The following SCRIB variants were observed in gnomAD, a reference collection of about 807,000 sequenced individuals.
SCRIB encodes scribble planar cell polarity protein, also known as protein scribble homolog.
SCRIB carries 72 observed loss-of-function variants against 170.0 expected under a neutral mutation model. The ratio of observed to expected loss-of-function variants is 0.42; its 90% CI spans 0.35 to 0.52. The LOEUF is 0.52. SCRIB is among the 20% of genes least tolerant of loss of function. The pLI is 0.02. For synonymous variants in SCRIB, 1,298 were observed against 1,044.3 expected (o/e 1.24, Z -4.68); for missense variants, 2,475 against 2,338.5 (o/e 1.06, Z -1.20).
chr8:143,792,046 C>T lies in SCRIB; in HGVS notation c.4602G>A (p.Glu1534=). The T allele has an allele frequency of 6.3e-7, 1 of 1,583,326 alleles. No individual in the cohort carries two copies. The highest frequency in any genetic ancestry group is 8.6e-7 in the Non-Finnish European group (1 of 1,169,252). ...CAGGGGAAGGGGCCTCGGCCAGTCG[C>T]TCCAGGGGCCCCCGCGTGCCCCGGC... is the stretch of plus-strand genomic sequence containing the variant. ...QEGRGTRGPL[E]RLAEAPSPAP... Residue 1534 remains glutamate, a synonymous_variant, in exon 33 of 37, where the codon GAG becomes GAA. Transcript: ENST00000356994.
rs1554636081 is a variant in SCRIB, at chr8:143,804,997, G to T, written c.2688C>A (p.Arg896=). The part of the protein sequence containing the change: ...RAGDAGIFVS[R]IAEGGAAHRA... ...GGTGAGCAGCACCGCCCTCGGCAAT[G>T]CGGGAGACGAAGATGCCCTGCAGGG... Residue 896 remains arginine (R), a synonymous_variant, in exon 20 of 37, where the codon CGC becomes CGA. Coordinates refer to ENST00000356994, the MANE Select transcript of SCRIB (RefSeq NM_182706.5). 6.3e-7 allele frequency: 1 copy of T among 1,586,516 alleles called. No individual in the cohort carries two copies. The highest frequency in any genetic ancestry group is 8.5e-7 in the Non-Finnish European group (1 of 1,170,010).
chr8:143,807,417 A>G, intron 16 of SCRIB, 135 bp downstream of exon 16: 2 of 796,712 alleles, frequency 2.5e-6, no homozygotes, highest in Non-Finnish European at 4.4e-6. Context: ...CTGATCCTGG[A>G]GCCCAGCTGG....
chr8:143,791,827 A>C (rs6982642), intron 34 of SCRIB, 49 bp downstream of exon 34: 1,116,363 of 1,332,248 alleles, frequency 0.84, 450,276 homozygotes, highest in East Asian at 0.87. Flanking sequence ...GCCAGACCCC[A>C]CCCCCATGCC....
chr8:143,812,986 C>T (rs950101456), intron 7 of SCRIB, 25 bp from the exon 8 acceptor site: 25 of 1,611,702 alleles, frequency 1.6e-5, no homozygotes, highest in Non-Finnish European at 2.0e-5. Context: ...AGAGTCAGAG[C>T]GCGGATGGGC....
Position 143,807,596 on chromosome 8 carries a change from C to T in SCRIB, c.2134G>A (p.Ala712Thr). Residue 712 changes from alanine (A) to threonine (T), a missense_variant, in exon 16 of 37, where the codon GCC becomes ACC. Around this residue, in one of 3 missense-constraint regions of SCRIB, gnomAD observed 1,966 missense variants for 1,742.9 expected, o/e 1.13. Coordinates refer to ENST00000356994, the MANE Select transcript of SCRIB (RefSeq NM_182706.5). The part of the protein sequence containing the change: ...PSVKGVSFDQ[A>T]NNLLIEPARI... ...GCAGGCTCTATCAGCAGGTTATTGG[C>T]CTGGTCAAACGACACTCCCTGTTAG... 2 of 1,613,942 alleles carry T rather than the reference C, an allele frequency of 1.2e-6. No homozygotes were observed. Among genetic ancestry groups the T allele is most frequent in the East Asian group, 2.2e-5 (1 of 44,858 alleles).
At chr8:143,814,622 G>A (rs148364179) in intron 1 of SCRIB, among the ~76,000 whole-genome samples, 16 of 152,232 alleles carry the variant, frequency 1.1e-4, no homozygotes, top group African/African-American at 3.6e-4. Context: ...GCCAGAACAG[G>A]GTCACATTCT....
At position 143,804,597 on chromosome 8, in the gene SCRIB, C is replaced by G. The variant is rs1554635882; in HGVS notation, c.2980G>C (p.Ala994Pro). The stretch of plus-strand genomic sequence containing the variant: ...ACTGGGTATGGCCCTTCCAACGCGG[C>G]AGCCAGCAGGCTGGGGGCCAGGCTC... ...LPSLAPSLLA[A>P]ALEGPYPVEE... is the part of the protein sequence containing the mutation. Residue 994 changes from alanine to proline, a missense_variant, in exon 21 of 37, where the codon GCC becomes CCC. By Grantham distance (27) the Ala-to-Pro change is conservative. Transcript: ENST00000356994. The G allele has an allele frequency of 6.6e-7, 1 of 1,514,554 alleles. No homozygotes were observed. Among genetic ancestry groups the G allele is most frequent in the Non-Finnish European group, 8.8e-7 (1 of 1,135,462 alleles). 93.8% of individuals were successfully genotyped at this position (1,514,554 alleles called of 1,614,324 possible).
intron 1 of SCRIB, 145 bp downstream of exon 1, chr8:143,815,068 TG>T (rs1816006485): frequency 2.2e-6 from 2 of 907,866 alleles, no homozygotes; most frequent in East Asian, 3.3e-5. Context: ...AAGAGAAGGG[TG>T]GGGCTGGCTG....
Position 143,815,282 on chromosome 8 carries a change from TCTC to T in SCRIB, c.88_90del (p.Glu30del), listed in dbSNP as rs1563811776. ...TCCAGGCTGCGGCTGTAGCGGTAGA[TCTC>T]CTCCGGCACGGCCTGCAGCGAACAG... On this transcript the variant is annotated inframe_deletion, in exon 1 of 37. Coordinates refer to ENST00000356994, the MANE Select transcript of SCRIB (RefSeq NM_182706.5). 1.3e-6 allele frequency: 2 copies of T among 1,596,784 alleles called. No homozygotes were observed. The highest frequency in any genetic ancestry group is 8.5e-7 in the Non-Finnish European group (1 of 1,174,602).
At chr8:143,810,022 C>T (rs1402770231) in intron 13 of SCRIB, among the ~76,000 whole-genome samples, 3 of 152,168 alleles carry the variant, frequency 2.0e-5, no homozygotes, top group African/African-American at 7.2e-5. Flanking sequence ...CTCCTCCCCT[C>T]CCATGCACGG....
intron 24 of SCRIB, among the ~76,000 whole-genome samples, chr8:143,800,308 A>G (rs1162890399): frequency 2.6e-5 from 4 of 151,950 alleles, no homozygotes; most frequent in African/African-American, 9.7e-5. Context: ...ATAAATAGAA[A>G]CAGCCCCCCC....
chr8:143,813,275 G>C, intron 6 of SCRIB, 36 bp downstream of exon 6: 5 of 1,611,474 alleles, frequency 3.1e-6, no homozygotes, highest in Middle Eastern at 1.7e-4. Flanking sequence ...TCCGTGGCCC[G>C]CCCTCCGGTC....
chr8:143,804,680 G>A lies in SCRIB; in HGVS notation c.2897C>T (p.Thr966Ile), dbSNP rs1554635914. The change falls in exon 21 of 37, where the codon ACC becomes ATC. Residue 966 changes from threonine to isoleucine, a missense_variant. Thr to Ile is a moderately conservative substitution (Grantham distance 89). Around this residue, in one of 3 missense-constraint regions of SCRIB, gnomAD observed 1,966 missense variants for 1,742.9 expected, o/e 1.13. Transcript: ENST00000356994. ...TATGCTGGTGGTGGCAACAGCAGCG[G>A]TGGGGGGTGAGGAATGTGGCAGAGG... ...PSPLPHSSPP[T>I]AAVATTSITT... The A allele has an allele frequency of 1.3e-6, 2 of 1,561,256 alleles. No individual in the cohort carries two copies. The highest frequency in any genetic ancestry group is 3.5e-5 in the Admixed American group (2 of 56,548).
rs368713316 is a variant in SCRIB, at chr8:143,811,661, G to A, written c.907-316C>T. Among the ~76,000 whole-genome samples the A allele has an allele frequency of 9.9e-5, 15 of 152,134 alleles. No homozygotes were observed. The South Asian group carries it at 2.9e-3, about 29-fold the overall frequency. ...GCTGCGCCCTGTGAGCCTGTCTGGT[G>A]CCCCACTGGTCTGCCCTGTCATCCC... is the stretch of plus-strand genomic sequence containing the variant. On this transcript the variant is annotated intron_variant, in intron 9 of 36. Transcript: ENST00000356994.
intron 24 of SCRIB, among the ~76,000 whole-genome samples, chr8:143,799,584 G>C (rs191624568): frequency 6.6e-6 from 1 of 152,184 alleles, no homozygotes; most frequent in African/African-American, 2.4e-5. Context: ...CGCAGGGGTC[G>C]GCGCCGACCA....
Position 143,792,385 on chromosome 8 carries a change from G to A in SCRIB, c.4349C>T (p.Pro1450Leu), listed in dbSNP as rs189617291. Residue 1450 changes from proline (P) to leucine (L), a missense_variant, in exon 32 of 37, where the codon CCA becomes CTA. Coordinates refer to ENST00000356994, the MANE Select transcript of SCRIB (RefSeq NM_182706.5). ...CACCGGGGCGCCACCTCCCAGGGGT[G>A]GGGGGGACGCCGGGCTCTGCCTGGG... ...PTSRQSPASP[P>L]PLGGGAPVRT... is the part of the protein sequence containing the mutation. The A allele has an allele frequency of 1.6e-5, 24 of 1,480,298 alleles. No individual in the cohort carries two copies. Among genetic ancestry groups the A allele is most frequent in the East Asian group, 9.6e-5 (4 of 41,800 alleles). The allele number at this position is 1,480,298 out of a possible 1,614,324, so 91.7% of individuals were successfully genotyped here.
Position 143,805,105 on chromosome 8 carries a change from G to T in SCRIB, c.2670+7C>A. 6.3e-7 allele frequency: 1 copy of T among 1,599,130 alleles called. No individual in the cohort carries two copies. Reference sequence around the variant, plus strand: ...CAGCCCTCCCCGGCCCTGGGCCCCAGCCTCACCGCATCACCAGCCCTGTAG... The same window carrying T: ...CAGCCCTCCCCGGCCCTGGGCCCCATCCTCACCGCATCACCAGCCCTGTAG... On this transcript the variant is annotated splice_region_variant and intron_variant, in intron 19 of 36. Transcript: ENST00000356994.
chr8:143,801,709 G>A lies in SCRIB; in HGVS notation c.3603+1674C>T, dbSNP rs1554635013. ...GGAAGACGGAAGGACATGGGAAAGA[G>A]GTAGCAGTGACGGGGAAGGGGAGCT... On this transcript the variant is annotated intron_variant, in intron 24 of 36. Transcript: ENST00000356994. Among the ~76,000 whole-genome samples the A allele has an allele frequency of 2.3e-4, 35 of 152,212 alleles. 1 individual carries two copies.
At chr8:143,814,144 T>C in intron 1 of SCRIB, 26 bp from the exon 2 acceptor site, 12 of 1,533,398 alleles carry the variant, frequency 7.8e-6, no homozygotes, top group Non-Finnish European at 1.1e-5. Context: ...ACACGGACTC[T>C]GTGGCAGAGA....
Sources: allele counts gnomAD v4.1 joint callset (sites outside exome capture counted in the v4.1 genomes callset), GRCh38; gene constraint gnomAD v4.1.1; regional missense constraint gnomAD v4.1.1; transcripts MANE v1.5; gene names NCBI Gene and HGNC (gene_info 2026-07-23, HGNC 2026-07-21).